Variants in DDB2 observed in about 807,000 individuals in gnomAD.
DDB2 encodes the protein DNA damage-binding protein 2.
A neutral mutation model predicts 50.5 loss-of-function variants in DDB2; 27 were observed. The observed-to-expected ratio is 0.53, with a 90% CI of 0.39 to 0.74. DDB2 has a LOEUF of 0.74. Ranked by LOEUF, DDB2 falls within the 30% of genes least tolerant of loss-of-function variation. The probability of loss-of-function intolerance (pLI) is 0.00; values close to 1 mark genes in which losing one functional copy is unlikely to be tolerated. For missense variants in DDB2, 424 were observed against 545.6 expected (o/e 0.78, Z 2.22); for synonymous variants, 176 against 205.5 (o/e 0.86, Z 1.23).
rs777698820 is a variant in DDB2 at position 47,215,217 on chromosome 11, C to T, written c.81C>T (p.Pro27=). 4 of 1,613,962 alleles carry T rather than the reference C, an allele frequency of 2.5e-6. No individual in the cohort carries two copies. The highest frequency in any genetic ancestry group is 1.7e-5 in the Admixed American group (1 of 59,984). ...CCAGGAACAAGAGGAGCAGGAGTCC[C>T]CTGGAGCTGGAGCCCGAGGCCAAGA... The part of the protein sequence containing the change: ...LRPRNKRSRS[P]LELEPEAKKL... The change falls in exon 1 of 10, where the codon CCC becomes CCT. Residue 27 remains proline, a synonymous_variant. Coordinates refer to ENST00000256996, the MANE Select transcript of DDB2 (RefSeq NM_000107.3).
At chr11:47,228,712 G>A (rs1196259768) in intron 3 of DDB2, among the ~76,000 whole-genome samples, 1 of 149,012 alleles carries the variant, frequency 6.7e-6, no homozygotes, top group East Asian at 2.0e-4. Flanking sequence ...GCTCATGACT[G>A]TTGGGAGGCC....
Position 47,234,684 on chromosome 11 carries a change from G to C in DDB2, c.702+12G>C, listed in dbSNP as rs55847708. On this transcript the variant is annotated intron_variant, in intron 5 of 9. Coordinates refer to ENST00000256996, the MANE Select transcript of DDB2 (RefSeq NM_000107.3). ...TGGACGGCAAAGAGGTGCGTTCTCC[G>C]AGGTCCTGCCTTTCCCTCCCTCACC... 303 of 1,613,970 alleles carry C rather than the reference G, an allele frequency of 1.9e-4. 1 individual carries two copies. The African/African-American group carries it at 3.5e-3, about 19-fold the overall frequency.
intron 8 of DDB2, 55 bp from the exon 9 acceptor site, chr11:47,238,083 G>A (rs1158197893): frequency 1.2e-6 from 2 of 1,611,094 alleles, no homozygotes; most frequent in Non-Finnish European, 1.7e-6. Flanking sequence ...CAGAAATCAG[G>A]TGTCTCTGCT....
At chr11:47,228,543 T>A (rs1434554448) in intron 3 of DDB2, among the ~76,000 whole-genome samples, 1 of 148,860 alleles carries the variant, frequency 6.7e-6, no homozygotes, top group Non-Finnish European at 1.5e-5. Context: ...CTCGGGAGGC[T>A]GAGGCAGGAG....
At chr11:47,233,657 C>T (rs919083123) in intron 4 of DDB2, among the ~76,000 whole-genome samples, 2 of 151,026 alleles carry the variant, frequency 1.3e-5, no homozygotes, top group African/African-American at 4.9e-5. Context: ...TGCAGTGAGC[C>T]GAGATGGCGC....
At chr11:47,231,803 G>A (rs1359195253) in intron 3 of DDB2, among the ~76,000 whole-genome samples, 2 of 151,996 alleles carry the variant, frequency 1.3e-5, no homozygotes, top group East Asian at 1.9e-4. Flanking sequence ...TACTGTGCTC[G>A]GTCTATAGGA....
At chr11:47,235,017 T>C in intron 6 of DDB2, 83 bp downstream of exon 6, 2 of 1,508,236 alleles carry the variant, frequency 1.3e-6, no homozygotes, top group South Asian at 2.3e-5. Context: ...TGGAAGCCAC[T>C]ACGTCAAACC....
chr11:47,232,909 A>G lies in DDB2; in HGVS notation c.552A>G (p.Gln184=), dbSNP rs1178168577. Residue 184 remains glutamine, a synonymous_variant, in exon 4 of 10, where the codon CAA becomes CAG. Coordinates refer to ENST00000256996, the MANE Select transcript of DDB2 (RefSeq NM_000107.3). The stretch of plus-strand genomic sequence containing the variant: ...CAATGGAGGGAACAACTAGGCTGCA[A>G]GACTTTAAAGGCAACATTCTACGAG... ...ASSMEGTTRL[Q]DFKGNILRVF... The G allele has an allele frequency of 6.2e-7, 1 of 1,614,218 alleles. No homozygotes were observed. Among genetic ancestry groups the G allele is most frequent in the Non-Finnish European group, 8.5e-7 (1 of 1,180,030 alleles).
intron 1 of DDB2, chr11:47,215,510 G>C: frequency 5.6e-6 from 3 of 540,444 alleles, no homozygotes; most frequent in Non-Finnish European, 1.0e-5. Flanking sequence ...TTCCTTGTTC[G>C]TATCAGGGTT....
At chr11:47,219,460 A>C (rs940202532) in intron 3 of DDB2, among the ~76,000 whole-genome samples, 1 of 151,958 alleles carries the variant, frequency 6.6e-6, no homozygotes, top group Non-Finnish European at 1.5e-5. Context: ...TTCCTGACTC[A>C]AGGAATCCTC....
Position 47,222,186 on chromosome 11 carries a change from ACTG to A in DDB2, c.456+5141_456+5143del, listed in dbSNP as rs570641641. Among the ~76,000 whole-genome samples the A allele has an allele frequency of 5.3e-3, 808 of 152,206 alleles. 2 individuals are homozygous for A. Among genetic ancestry groups the A allele is most frequent in the African/African-American group, 0.019 (771 of 41,546 alleles). ...CTACCCAATATCTTATTCACTGTAA[ACTG>A]CTGATCTATTTTTTATTTTTAGAAA... On this transcript the variant is annotated intron_variant, in intron 3 of 9. Transcript: ENST00000256996.
In DDB2 at chr11:47,234,741, G is replaced by A. The variant is rs765551156; in HGVS notation, c.703-16G>A. On this transcript the variant is annotated splice_polypyrimidine_tract_variant and intron_variant, in intron 5 of 9. Coordinates refer to ENST00000256996, the MANE Select transcript of DDB2 (RefSeq NM_000107.3). ...TCGGTTCTGTGTCCCCACCTGAACC[G>A]AGCTCTTCTCTGCAGCTTTGGAATC... The A allele has an allele frequency of 9.3e-6, 15 of 1,614,044 alleles. No individual in the cohort carries two copies. Among genetic ancestry groups the A allele is most frequent in the South Asian group, 5.5e-5 (5 of 91,076 alleles).
chr11:47,238,699 T>C (rs1278367761), intron 9 of DDB2, 101 bp from the exon 10 acceptor site: 1 of 1,356,232 alleles, frequency 7.4e-7, no homozygotes, highest in East Asian at 2.3e-5. Flanking sequence ...CGCCCGGCCT[T>C]CCTAGTATTT....
intron 1 of DDB2, chr11:47,215,482 A>G (rs1422071240): frequency 1.7e-6 from 1 of 605,798 alleles, no homozygotes; most frequent in East Asian, 3.0e-5. Flanking sequence ...GTAACAACAG[A>G]CACACGGACT....
At chr11:47,236,360 C>T (rs1183819382) in intron 7 of DDB2, among the ~76,000 whole-genome samples, 1 of 152,230 alleles carries the variant, frequency 6.6e-6, no homozygotes, top group Non-Finnish European at 1.5e-5. Context: ...ACACTAATAG[C>T]TTTCAAGTCC....
chr11:47,237,744 CTTTTGATGTTCCTCTTTGTTCATATTTGT>C (rs949762848), intron 7 of DDB2, 64 bp from the exon 8 acceptor site: 47 of 1,351,832 alleles, frequency 3.5e-5, no homozygotes, highest in Non-Finnish European at 4.8e-5. Context: ...CCAAAGAATA[CTTTTGATGTTCCTCTTTGTTCATATTTGT>C]TTTTGATGTC....
At chr11:47,230,205 C>T (rs993089488) in intron 3 of DDB2, among the ~76,000 whole-genome samples, 20 of 151,018 alleles carry the variant, frequency 1.3e-4, no homozygotes, top group South Asian at 2.1e-4. Flanking sequence ...GAGGCTGAGG[C>T]GGGAGGATTG....
intron 7 of DDB2, 50 bp from the exon 8 acceptor site, chr11:47,237,787 C>T (rs1222048077): frequency 6.3e-7 from 1 of 1,596,632 alleles, no homozygotes; most frequent in Admixed American, 1.7e-5. Flanking sequence ...TGATGTCCCC[C>T]TTGATCATGT....
intron 3 of DDB2, among the ~76,000 whole-genome samples, chr11:47,231,669 C>T (rs1565155383): frequency 1.3e-5 from 2 of 152,088 alleles, no homozygotes; most frequent in Admixed American, 1.3e-4. Context: ...ACCACATGCA[C>T]CTACCACCAT....
Sources: allele counts gnomAD v4.1 joint callset (sites outside exome capture counted in the v4.1 genomes callset), GRCh38; gene constraint gnomAD v4.1.1; transcripts MANE v1.5; gene names NCBI Gene and HGNC (gene_info 2026-07-23, HGNC 2026-07-21).